The following MAGI2 variants were observed in gnomAD, a reference collection of about 807,000 sequenced individuals.
MAGI2 encodes membrane associated guanylate kinase, WW and PDZ domain containing 2, also known as membrane-associated guanylate kinase, WW and PDZ domain-containing protein 2.
MAGI2 carries 35 observed loss-of-function variants against 133.3 expected under a neutral mutation model. The ratio of observed to expected loss-of-function variants is 0.26; its 90% confidence interval spans 0.20 to 0.35. The LOEUF (loss-of-function observed/expected upper bound fraction) is 0.35, where lower values mean the gene tolerates loss of function less well. Among genes scored for constraint, MAGI2 ranks in the 10% least tolerant of loss-of-function variants. MAGI2 has a pLI of 1.00. For synonymous variants in MAGI2, 729 were observed against 710.6 expected (o/e 1.03, Z -0.41); for missense variants, 1,636 against 1,863.4 (o/e 0.88, Z 2.25).
At chr7:78,879,907 C>A (rs1584258308) in intron 2 of MAGI2, among the ~76,000 whole-genome samples, 1 of 152,142 alleles carries the variant, frequency 6.6e-6, no homozygotes, top group Middle Eastern at 3.4e-3. Context: ...TGCAAAACTT[C>A]ACTTAAGGAA....
In MAGI2 at chr7:78,018,319, G is replaced by A. The variant is rs1807954052; in HGVS notation, c.*996C>T. ...AATACTCTGCCTCTGCTCTGTCAAA[G>A]TGCAAATGAAGTCATGGAGACAGGG... On this transcript the variant is annotated 3_prime_UTR_variant, in exon 22 of 22. Transcript: ENST00000354212. The A allele has an allele frequency of 1.3e-5, 2 of 152,568 alleles. No individual in the cohort carries two copies. The highest frequency in any genetic ancestry group is 2.1e-4 in the South Asian group (1 of 4,834). The allele number at this position is 152,568 out of a possible 1,614,324, so 9.5% of individuals were successfully genotyped here.
chr7:78,445,868 AT>A (rs999441504), intron 6 of MAGI2, among the ~76,000 whole-genome samples: 3 of 151,646 alleles, frequency 2.0e-5, no homozygotes, highest in Admixed American at 6.6e-5. Flanking sequence ...TCTTCATACA[AT>A]TTTTTTCTTT....
intron 2 of MAGI2, among the ~76,000 whole-genome samples, chr7:78,671,293 T>C (rs1430618962): frequency 6.6e-6 from 1 of 151,998 alleles, no homozygotes; most frequent in Non-Finnish European, 1.5e-5. Context: ...TTTTTTTTTT[T>C]TTAAGATAGC....
intron 20 of MAGI2, among the ~76,000 whole-genome samples, chr7:78,113,116 G>A (rs1173084023): frequency 1.3e-5 from 2 of 151,796 alleles, no homozygotes; most frequent in Admixed American, 6.6e-5. Flanking sequence ...GAGGAGCTGT[G>A]TGAGATGAGC....
intron 6 of MAGI2, among the ~76,000 whole-genome samples, chr7:78,481,215 A>G: frequency 6.6e-6 from 1 of 152,124 alleles, no homozygotes; most frequent in Non-Finnish European, 1.5e-5. Context: ...AAGCAGTTTA[A>G]TTGACTCACA....
chr7:78,524,907 A>G (rs928474649), intron 3 of MAGI2, among the ~76,000 whole-genome samples: 1 of 152,130 alleles, frequency 6.6e-6, no homozygotes, highest in African/African-American at 2.4e-5. Context: ...TATCTTTAAT[A>G]CCTTTAATAC....
intron 20 of MAGI2, among the ~76,000 whole-genome samples, chr7:78,090,164 C>T (rs1817045318): frequency 6.6e-6 from 1 of 152,204 alleles, no homozygotes; most frequent in Non-Finnish European, 1.5e-5. Context: ...TTGCTGGTCA[C>T]TCCAGGGGAA....
chr7:78,066,929 G>A (rs1473014736), intron 21 of MAGI2, among the ~76,000 whole-genome samples: 1 of 152,204 alleles, frequency 6.6e-6, no homozygotes, highest in African/African-American at 2.4e-5. Flanking sequence ...TCCACACGTG[G>A]TGCTATGTAT....
chr7:78,289,508 C>T (rs907127255), intron 9 of MAGI2, among the ~76,000 whole-genome samples: 2 of 152,130 alleles, frequency 1.3e-5, no homozygotes, highest in Admixed American at 6.6e-5. Context: ...GAGAATAGAA[C>T]CAAGTTGGAA....
chr7:78,185,971 A>G (rs538736922), intron 12 of MAGI2, among the ~76,000 whole-genome samples: 1 of 152,314 alleles, frequency 6.6e-6, no homozygotes, highest in Non-Finnish European at 1.5e-5. Context: ...TCATTATAAG[A>G]ATACTTATTT....
Position 78,967,613 on chromosome 7 carries a change from A to T in MAGI2, c.418+39477T>A, listed in dbSNP as rs556263914. On this transcript the variant is annotated intron_variant, in intron 2 of 21. Transcript: ENST00000354212. Reference sequence around the variant, plus strand: ...TAAGTCTTTCATGCATTATGAGTTGATTTTTTTTTTATATATATATAGTGT... The same window carrying T: ...TAAGTCTTTCATGCATTATGAGTTGTTTTTTTTTTTATATATATATAGTGT... Among the ~76,000 whole-genome samples the T allele has an allele frequency of 2.8e-5, 4 of 145,298 alleles. No homozygotes were observed. The South Asian group carries it at 8.5e-4, about 31-fold the overall frequency.
intron 2 of MAGI2, among the ~76,000 whole-genome samples, chr7:78,917,483 A>T (rs886325138): frequency 6.6e-6 from 1 of 152,036 alleles, no homozygotes; most frequent in African/African-American, 2.4e-5. Context: ...TGGAGAAGAA[A>T]TTGTCCTTGT....
At chr7:78,193,317 G>A (rs1160874318) in intron 12 of MAGI2, among the ~76,000 whole-genome samples, 1 of 152,156 alleles carries the variant, frequency 6.6e-6, no homozygotes, top group Non-Finnish European at 1.5e-5. Flanking sequence ...ACAAAATTAA[G>A]CCAAGGAGGT....
intron 1 of MAGI2, among the ~76,000 whole-genome samples, chr7:79,145,244 G>A (rs1822508257): frequency 6.6e-6 from 1 of 152,046 alleles, no homozygotes; most frequent in South Asian, 2.1e-4. Context: ...TTTAAAACAT[G>A]TTCCTGTCTT....
intron 3 of MAGI2, among the ~76,000 whole-genome samples, chr7:78,557,322 C>G (rs1329555678): frequency 6.6e-6 from 1 of 152,020 alleles, no homozygotes; most frequent in African/African-American, 2.4e-5. Flanking sequence ...ATTGGAAGCC[C>G]CCCAAAGGAG....
At chr7:78,497,627 C>A (rs1794209762) in intron 5 of MAGI2, among the ~76,000 whole-genome samples, 1 of 152,088 alleles carries the variant, frequency 6.6e-6, no homozygotes, top group Non-Finnish European at 1.5e-5. Context: ...TTGCTTGTTA[C>A]CTTAACTCAA....
intron 2 of MAGI2, among the ~76,000 whole-genome samples, chr7:78,649,992 G>T (rs1344887675): frequency 6.6e-6 from 1 of 152,180 alleles, no homozygotes; most frequent in East Asian, 1.9e-4. Flanking sequence ...GCCTGGGTAT[G>T]GCCTGAGATT....
intron 2 of MAGI2, among the ~76,000 whole-genome samples, chr7:78,734,630 A>C (rs1821674870): frequency 6.6e-6 from 1 of 152,202 alleles, no homozygotes; most frequent in African/African-American, 2.4e-5. Context: ...ACAGCATAAC[A>C]GTGACAAACA....
At chr7:78,818,872 G>A (rs939166968) in intron 2 of MAGI2, among the ~76,000 whole-genome samples, 5 of 151,980 alleles carry the variant, frequency 3.3e-5, no homozygotes, top group Admixed American at 3.3e-4. Flanking sequence ...GACATATGAG[G>A]GGTACTATTA....
Sources: allele counts gnomAD v4.1 joint callset (sites outside exome capture counted in the v4.1 genomes callset), GRCh38; gene constraint gnomAD v4.1.1; transcripts MANE v1.5; gene names NCBI Gene and HGNC (gene_info 2026-07-23, HGNC 2026-07-21).